Variants in RASA3 observed in about 807,000 individuals in gnomAD.
The protein encoded by RASA3 is RAS p21 protein activator 3, also known as ras GTPase-activating protein 3.
A neutral mutation model predicts 110.0 loss-of-function variants in RASA3; 73 were observed. That is an observed-to-expected ratio of 0.66 (90% CI 0.55 to 0.81). RASA3 has a LOEUF of 0.81. Among genes scored for constraint, RASA3 ranks in the 30% least tolerant of loss-of-function variants. The probability of loss-of-function intolerance (pLI) is 0.00; values close to 1 mark genes in which losing one functional copy is unlikely to be tolerated. For missense variants in RASA3, 976 were observed against 1,113.2 expected (o/e 0.88, Z 1.75); for synonymous variants, 500 against 451.4 (o/e 1.11, Z -1.37).
intron 2 of RASA3, among the ~76,000 whole-genome samples, chr13:114,064,060 T>C (rs1158399746): frequency 1.3e-5 from 2 of 152,206 alleles, no homozygotes; most frequent in Non-Finnish European, 2.9e-5. Context: ...AAAAGACATA[T>C]TATTTCACAA....
intron 4 of RASA3, among the ~76,000 whole-genome samples, chr13:114,031,866 G>T (rs139727499): frequency 1.5e-4 from 23 of 152,282 alleles, no homozygotes; most frequent in African/African-American, 5.1e-4. Flanking sequence ...AATGCCTGGC[G>T]CTAAGACGTG....
Position 114,015,194 on chromosome 13 carries a change from G to A in RASA3, c.1405+15C>T, listed in dbSNP as rs1056883170. The A allele has an allele frequency of 2.5e-6, 4 of 1,612,644 alleles. No individual in the cohort carries two copies. In the Admixed American group the frequency reaches 5.0e-5, roughly 20 times the overall value. Reference sequence around the variant, plus strand: ...GGCAGTTTCTCAGCAACATGAGGGTGTTCAGGGCACTCACCCTGGAAGCGC... The same window carrying A: ...GGCAGTTTCTCAGCAACATGAGGGTATTCAGGGCACTCACCCTGGAAGCGC... On this transcript the variant is annotated intron_variant, in intron 14 of 23. Transcript: ENST00000334062.
intron 2 of RASA3, among the ~76,000 whole-genome samples, chr13:114,068,598 G>A (rs1041808185): frequency 2.6e-5 from 4 of 152,188 alleles, no homozygotes; most frequent in Non-Finnish European, 5.9e-5. Context: ...CCTTGTTTTA[G>A]GGTCGTGGGT....
rs1396779808 is a variant in RASA3, at chr13:114,117,351, CGT to C, written c.55+15082_55+15083del. On this transcript the variant is annotated intron_variant, in intron 1 of 23. Coordinates refer to ENST00000334062, the MANE Select transcript of RASA3 (RefSeq NM_007368.4). The stretch of plus-strand genomic sequence containing the variant: ...CAGATGCATGTGTGTGAGGAGAGCA[CGT>C]GTGTGAGGGGTGCACGTGTGTGAGG... Among the ~76,000 whole-genome samples, 7 of 124,228 alleles carry C rather than the reference CGT, an allele frequency of 5.6e-5. No homozygotes were observed. In the East Asian group the frequency reaches 1.3e-3, roughly 24 times the overall value. The allele number at this position is 124,228 out of a possible 152,430, so 81.5% of individuals were successfully genotyped here. A position where few individuals can be genotyped will look rare whatever the true frequency, so the allele number is the denominator to read the frequency against.
At chr13:114,080,960 G>A (rs1021701345) in intron 1 of RASA3, among the ~76,000 whole-genome samples, 4 of 139,572 alleles carry the variant, frequency 2.9e-5, no homozygotes, top group South Asian at 4.6e-4. Flanking sequence ...GCAGAGGGCC[G>A]TCCACCTAGA....
intron 1 of RASA3, among the ~76,000 whole-genome samples, chr13:114,081,761 G>C (rs1345742796): frequency 2.0e-5 from 3 of 152,210 alleles, no homozygotes; most frequent in Non-Finnish European, 4.4e-5. Flanking sequence ...AACGAGGAAA[G>C]AGAAGGCAAA....
At position 113,993,223 on chromosome 13, in the gene RASA3, T is replaced by C. The variant is rs561444056; in HGVS notation, c.2142-635A>G. Among the ~76,000 whole-genome samples the C allele has an allele frequency of 4.6e-5, 7 of 152,290 alleles. No homozygotes were observed. The East Asian group carries it at 1.4e-3, about 30-fold the overall frequency. ...ATGTTCACACCAGCACACGTCAGGC[T>C]GGAGCGCGGTGGCACGATCTCAGCT... On this transcript the variant is annotated intron_variant, in intron 21 of 23. Transcript: ENST00000334062.
chr13:114,081,049 G>A (rs909622438), intron 1 of RASA3, among the ~76,000 whole-genome samples: 167 of 148,618 alleles, frequency 1.1e-3, no homozygotes, highest in African/African-American at 3.8e-3. Context: ...CGTCCACCTA[G>A]AACACCAAGA....
rs375651571 is a variant in RASA3 at position 114,099,411 on chromosome 13, C to T, written c.56-25574G>A. ...CGTGTCTTGTGGGTGGGTGCTGGGT[C>T]GGGGAGGGAGGGCGACTGCCTCTCC... On this transcript the variant is annotated intron_variant, in intron 1 of 23. Coordinates refer to ENST00000334062, the MANE Select transcript of RASA3 (RefSeq NM_007368.4). 6.0e-4 allele frequency among the ~76,000 whole-genome samples: 89 copies of T among 147,142 alleles called. No individual in the cohort carries two copies. The East Asian group carries it at 9.9e-3, about 16-fold the overall frequency.
intron 3 of RASA3, among the ~76,000 whole-genome samples, chr13:114,044,757 A>C (rs1053664769): frequency 6.6e-6 from 1 of 151,652 alleles, no homozygotes; most frequent in South Asian, 2.1e-4. Context: ...AAAAGGGATA[A>C]ATCTTCAGAC....
intron 1 of RASA3, among the ~76,000 whole-genome samples, chr13:114,107,055 G>A (rs1021766940): frequency 5.3e-5 from 8 of 152,188 alleles, no homozygotes; most frequent in Admixed American, 1.3e-4. Context: ...CTCCTCTCTC[G>A]TGCACGGCCA....
Position 114,056,508 on chromosome 13 carries a change from G to C in RASA3, c.174-4353C>G. The C allele has an allele frequency of 5.1e-6, 5 of 985,318 alleles. No individual in the cohort carries two copies. The highest frequency in any genetic ancestry group is 4.8e-6 in the Non-Finnish European group (4 of 829,930). The allele number at this position is 985,318 out of a possible 1,614,324, so 61.0% of individuals were successfully genotyped here. ...GTGCGGCGTCCCTGGGCGCTGCCCG[G>C]TAGCGGGGTGTTCAGTTGCTCTGCC... On this transcript the variant is annotated intron_variant, in intron 2 of 23. Coordinates refer to ENST00000334062, the MANE Select transcript of RASA3 (RefSeq NM_007368.4). The surrounding 1 kb of genome is among the most constrained non-coding windows in gnomAD (Gnocchi z 5.7).
chr13:113,989,430 T>TCTCACCCATCCGTCCATCCACCCGTCA (rs1422502224), intron 22 of RASA3, among the ~76,000 whole-genome samples: 1 of 105,350 alleles, frequency 9.5e-6, no homozygotes, highest in African/African-American at 3.7e-5. Flanking sequence ...TCCACCCATC[T>TCTCACCCATCCGTCCATCCACCCGTCA]CTCACCCATC....
At position 114,055,333 on chromosome 13, in the gene RASA3, G is replaced by A. The variant is rs112389276; in HGVS notation, c.174-3178C>T. Among the ~76,000 whole-genome samples, 619 of 152,324 alleles carry A rather than the reference G, an allele frequency of 4.1e-3. 3 individuals carry two copies. Among genetic ancestry groups the A allele is most frequent in the African/African-American group, 0.013 (559 of 41,570 alleles). On this transcript the variant is annotated intron_variant, in intron 2 of 23. Transcript: ENST00000334062. ...CAATGCGCTGCTTTCATAACAAGGC[G>A]CAGGGGTCGTGACCCTGCCTCCACC...
chr13:114,001,372 G>A lies in RASA3; in HGVS notation c.1743-440C>T, dbSNP rs117190610. On this transcript the variant is annotated intron_variant, in intron 18 of 23. Transcript: ENST00000334062. Reference sequence around the variant, plus strand: ...GACGCCCACACAACATGGAGGACCCGCGGCCGCGGGCTCGGGGTCAGGGCG... The same window carrying A: ...GACGCCCACACAACATGGAGGACCCACGGCCGCGGGCTCGGGGTCAGGGCG... Among the ~76,000 whole-genome samples the A allele has an allele frequency of 6.3e-3, 866 of 138,376 alleles. 22 individuals carry two copies. The highest frequency in any genetic ancestry group is 0.058 in the East Asian group (286 of 4,962). 90.8% of individuals were successfully genotyped at this position (138,376 alleles called of 152,430 possible).
chr13:114,079,946 G>A (rs1260426907), intron 1 of RASA3, among the ~76,000 whole-genome samples: 2 of 152,200 alleles, frequency 1.3e-5, no homozygotes, highest in Admixed American at 6.5e-5. Flanking sequence ...GGGACACAGC[G>A]TCTTGAGGAC....
At chr13:114,087,933 C>T (rs934871688) in intron 1 of RASA3, among the ~76,000 whole-genome samples, 1 of 152,192 alleles carries the variant, frequency 6.6e-6, no homozygotes, top group African/African-American at 2.4e-5. Context: ...AGTTGGAGAC[C>T]AGCCTGGCCA....
intron 8 of RASA3, among the ~76,000 whole-genome samples, chr13:114,022,782 T>C (rs1407921300): frequency 6.6e-6 from 1 of 152,220 alleles, no homozygotes; most frequent in Non-Finnish European, 1.5e-5. Flanking sequence ...TTTTAAAAAA[T>C]TTAATAACTA....
intron 18 of RASA3, among the ~76,000 whole-genome samples, chr13:114,004,570 C>T (rs1189588755): frequency 6.6e-6 from 1 of 152,130 alleles, no homozygotes; most frequent in Non-Finnish European, 1.5e-5. Flanking sequence ...TCACGCCAGG[C>T]AGAATGGAGC....
Sources: gnomAD v4.1 joint callset for allele counts (sites outside exome capture counted in the v4.1 genomes callset) on GRCh38, gnomAD v4.1.1 for gene constraint, Gnocchi (gnomAD v3.1) non-coding constraint, MANE v1.5 for transcripts, NCBI Gene and HGNC (gene_info 2026-07-23, HGNC 2026-07-21) for gene names.